ARIH1: variants seen among roughly 807,000 people sequenced by gnomAD.
ARIH1 encodes the protein ariadne RBR E3 ubiquitin protein ligase 1.
In ARIH1, 8 loss-of-function variants were observed where a neutral mutation model predicts 85.0. The ratio of observed to expected loss-of-function variants is 0.09; its 90% CI spans 0.06 to 0.17. ARIH1 has a LOEUF of 0.17. ARIH1 is among the 10% of genes least tolerant of loss of function. The pLI, the probability that ARIH1 is intolerant of heterozygous loss-of-function variation, is 1.00. For missense variants in ARIH1, 311 were observed against 718.1 expected (o/e 0.43, Z 6.48); for synonymous variants, 238 against 253.6 (o/e 0.94, Z 0.59).
chr15:72,548,804 T>C (rs765475436), intron 3 of ARIH1, among the ~76,000 whole-genome samples: 5 of 152,220 alleles, frequency 3.3e-5, no homozygotes, highest in Non-Finnish European at 7.3e-5. Flanking sequence ...TTTTTTATTA[T>C]ATATATCTTC....
intron 11 of ARIH1, among the ~76,000 whole-genome samples, chr15:72,580,360 T>G (rs2064290537): frequency 6.6e-6 from 1 of 152,210 alleles, no homozygotes; most frequent in Non-Finnish European, 1.5e-5. Context: ...ATTCCATGTC[T>G]TGGCTATTGT....
chr15:72,563,463 G>T lies in ARIH1; in HGVS notation c.874G>T (p.Ala292Ser), dbSNP rs1339411218. ...TGTTGTTAAAGTCCAATATCCTGATGCTAAACCTGTTCGCTGCAAATGTGG... is the reference window on the plus strand; with the variant it reads ...TGTTGTTAAAGTCCAATATCCTGATTCTAAACCTGTTCGCTGCAAATGTGG... ...HHVVKVQYPD[A>S]KPVRCKCGRQ... The change falls in exon 7 of 14, where the codon GCT (alanine) becomes TCT (serine). Residue 292 changes from alanine to serine, a missense_variant. Around this residue, in one of 3 missense-constraint regions of ARIH1, gnomAD observed 104 missense variants for 221.4 expected, o/e 0.47. Transcript: ENST00000379887. 1 of 1,613,968 alleles carries T rather than the reference G, an allele frequency of 6.2e-7. No homozygotes were observed.
At chr15:72,528,963 G>A (rs1454726630) in intron 2 of ARIH1, among the ~76,000 whole-genome samples, 5 of 152,174 alleles carry the variant, frequency 3.3e-5, no homozygotes, top group African/African-American at 1.2e-4. Flanking sequence ...CACTTTGGGA[G>A]GCCAAGGTGG....
In ARIH1 at chr15:72,591,296, C is replaced by A. The variant is rs2064342631; in HGVS notation, c.*8004C>A. 1 of 151,808 alleles carries A rather than the reference C, an allele frequency of 6.6e-6. No homozygotes were observed. Among genetic ancestry groups the A allele is most frequent in the South Asian group, 2.1e-4 (1 of 4,796 alleles). 9.4% of individuals were successfully genotyped at this position (151,808 alleles called of 1,614,324 possible). ...CTCTTTATAGTAGACAGTTTATCCCCCAGAAAGCTTTTTAGGCTGAAAACG... is the reference window on the plus strand; with the variant it reads ...CTCTTTATAGTAGACAGTTTATCCCACAGAAAGCTTTTTAGGCTGAAAACG... On this transcript the variant is annotated 3_prime_UTR_variant, in exon 14 of 14. Transcript: ENST00000379887.
At chr15:72,497,713 G>T (rs1443135525) in intron 1 of ARIH1, among the ~76,000 whole-genome samples, 2 of 152,092 alleles carry the variant, frequency 1.3e-5, no homozygotes, top group South Asian at 2.1e-4. Context: ...AAAAGAAGAG[G>T]CTATGTTTTC....
intron 1 of ARIH1, among the ~76,000 whole-genome samples, chr15:72,486,734 C>T (rs1180641093): frequency 4.2e-5 from 5 of 117,790 alleles, no homozygotes; most frequent in Non-Finnish European, 8.3e-5. Context: ...GTCTCTGTGG[C>T]CCAGGCTGGA....
rs2064337291 is a variant in ARIH1, at chr15:72,590,248, G to C, written c.*6956G>C. ...AATATCAGAGCCAGCTCTGCTGTTT[G>C]ACCAGTATATTATTTTCACCATGCT... On this transcript the variant is annotated 3_prime_UTR_variant, in exon 14 of 14. Coordinates refer to ENST00000379887, the MANE Select transcript of ARIH1 (RefSeq NM_005744.5). 6.6e-6 allele frequency: 1 copy of C among 152,184 alleles called. No homozygotes were observed. The highest frequency in any genetic ancestry group is 2.4e-5 in the African/African-American group (1 of 41,438). 9.4% of individuals were successfully genotyped at this position (152,184 alleles called of 1,614,324 possible).
intron 1 of ARIH1, among the ~76,000 whole-genome samples, chr15:72,512,067 T>C (rs1158354416): frequency 1.3e-5 from 2 of 152,204 alleles, no homozygotes; most frequent in Non-Finnish European, 2.9e-5. Context: ...AGATTGTATT[T>C]CCTAATATTT....
intron 1 of ARIH1, among the ~76,000 whole-genome samples, chr15:72,495,306 A>T (rs561961241): frequency 2.6e-5 from 4 of 152,236 alleles, no homozygotes; most frequent in Non-Finnish European, 5.9e-5. Flanking sequence ...CACAACTGTC[A>T]CAATTCTGTG....
chr15:72,558,756 C>T (rs2064185380), intron 5 of ARIH1, among the ~76,000 whole-genome samples: 1 of 152,206 alleles, frequency 6.6e-6, no homozygotes, highest in African/African-American at 2.4e-5. Context: ...ATCAGATAAA[C>T]TAAGGGTGGA....
At chr15:72,517,869 C>G (rs984259058) in intron 1 of ARIH1, among the ~76,000 whole-genome samples, 198 bp from the exon 2 acceptor site, 1 of 152,050 alleles carries the variant, frequency 6.6e-6, no homozygotes, top group Admixed American at 6.6e-5. Flanking sequence ...AGAAACCTGA[C>G]ATAGTAGTGT....
intron 2 of ARIH1, among the ~76,000 whole-genome samples, chr15:72,534,369 C>G (rs1002682768): frequency 6.6e-6 from 1 of 150,746 alleles, no homozygotes; most frequent in Admixed American, 6.6e-5. Context: ...TGTTTCTTGT[C>G]CTGGGTGGTA....
chr15:72,476,373 T>C (rs1242513101), intron 1 of ARIH1, among the ~76,000 whole-genome samples: 1 of 152,186 alleles, frequency 6.6e-6, no homozygotes, highest in Non-Finnish European at 1.5e-5. Flanking sequence ...AGATAATTTT[T>C]TGTTTGTTTG....
rs1314243712 is a variant in ARIH1 at position 72,598,898 on chromosome 15, A to C, written c.*15606A>C. On this transcript the variant is annotated 3_prime_UTR_variant, in exon 14 of 14. Transcript: ENST00000379887. ...ATGCCTGGCTTTTTTTTTTTTGTAGAGTTTGGGTCTCGCTATGTTGCCTGT... is the reference window on the plus strand; with the variant it reads ...ATGCCTGGCTTTTTTTTTTTTGTAGCGTTTGGGTCTCGCTATGTTGCCTGT... The C allele has an allele frequency of 2.1e-5, 3 of 139,704 alleles. No individual in the cohort carries two copies. Among genetic ancestry groups the C allele is most frequent in the Non-Finnish European group, 3.1e-5 (2 of 64,226 alleles). 8.7% of individuals were successfully genotyped at this position (139,704 alleles called of 1,614,324 possible).
rs767461436 is a variant in ARIH1 at position 72,555,369 on chromosome 15, G to A, written c.681+6G>A. 240 of 1,602,444 alleles carry A rather than the reference G, an allele frequency of 1.5e-4. 1 individual carries two copies. In the Admixed American group the frequency reaches 3.9e-3, roughly 26 times the overall value. On this transcript the variant is annotated splice_donor_region_variant and intron_variant, in intron 4 of 13. Transcript: ENST00000379887. ...TGGAAGAAGGCATGGGTCAGGTAAA[G>A]ATATCAAGTTGTTTTTCAGTTTTTG... is the stretch of plus-strand genomic sequence containing the variant.
intron 5 of ARIH1, among the ~76,000 whole-genome samples, chr15:72,560,470 T>C (rs904078995): frequency 6.6e-6 from 1 of 152,212 alleles, no homozygotes; most frequent in Non-Finnish European, 1.5e-5. Flanking sequence ...TTTTACAGAT[T>C]AGTAACTGAG....
intron 1 of ARIH1, among the ~76,000 whole-genome samples, chr15:72,475,431 C>T (rs575831917): frequency 2.0e-5 from 3 of 152,308 alleles, no homozygotes; most frequent in African/African-American, 7.2e-5. Context: ...CTCATTTGAG[C>T]ACTTTTGGAA....
intron 1 of ARIH1, among the ~76,000 whole-genome samples, chr15:72,482,377 TTAAA>T (rs571797993): frequency 8.5e-4 from 129 of 152,266 alleles, no homozygotes; most frequent in African/African-American, 3.0e-3. Flanking sequence ...AGTGAGTAAT[TTAAA>T]TAAGTGGATA....
chr15:72,560,210 TA>T (rs1189880627), intron 5 of ARIH1, among the ~76,000 whole-genome samples: 1 of 152,176 alleles, frequency 6.6e-6, no homozygotes, highest in Non-Finnish European at 1.5e-5. Flanking sequence ...AGACAGATAT[TA>T]AACAAATGAT....
Sources: gnomAD v4.1 joint callset for allele counts (sites outside exome capture counted in the v4.1 genomes callset) on GRCh38, gnomAD v4.1.1 for gene constraint, gnomAD v4.1.1 regional missense constraint, MANE v1.5 for transcripts, NCBI Gene and HGNC (gene_info 2026-07-23, HGNC 2026-07-21) for gene names.